The following KIF16B variants were observed in gnomAD, a reference collection of about 807,000 sequenced individuals.
KIF16B encodes kinesin-like protein KIF16B.
KIF16B carries 98 observed loss-of-function variants against 156.3 expected under a neutral mutation model. The observed-to-expected ratio is 0.63, with a 90% confidence interval of 0.53 to 0.74. The LOEUF is 0.74. Among genes scored for constraint, KIF16B ranks in the 30% least tolerant of loss-of-function variants. The pLI is 0.00. For synonymous variants in KIF16B, 564 were observed against 583.7 expected (o/e 0.97, Z 0.49); for missense variants, 1,421 against 1,606.5 (o/e 0.88, Z 1.97).
At chr20:16,488,113 G>A (rs578092510) in intron 12 of KIF16B, among the ~76,000 whole-genome samples, 4 of 152,234 alleles carry the variant, frequency 2.6e-5, no homozygotes, top group South Asian at 2.1e-4. Flanking sequence ...AAAGCCAGCC[G>A]GACATTGGAG....
At chr20:16,437,826 T>C (rs1237946567) in intron 12 of KIF16B, among the ~76,000 whole-genome samples, 4 of 152,116 alleles carry the variant, frequency 2.6e-5, no homozygotes, top group Admixed American at 2.0e-4. Context: ...TTTTTAATAA[T>C]GTACAAATGC....
intron 3 of KIF16B, among the ~76,000 whole-genome samples, chr20:16,517,822 A>C (rs2069193393): frequency 6.6e-6 from 1 of 152,222 alleles, no homozygotes; most frequent in Non-Finnish European, 1.5e-5. Context: ...ATTTTTTATG[A>C]ATTCACTAGT....
intron 24 of KIF16B, among the ~76,000 whole-genome samples, chr20:16,320,537 G>T (rs1000240554): frequency 6.6e-6 from 1 of 152,084 alleles, no homozygotes; most frequent in Admixed American, 6.6e-5. Context: ...AGATTAGCAC[G>T]CAGCACACAG....
At chr20:16,336,090 A>T in intron 23 of KIF16B, 75 bp from the exon 24 acceptor site, 1 of 873,500 alleles carries the variant, frequency 1.1e-6, no homozygotes, top group Non-Finnish European at 1.8e-6. Flanking sequence ...AGAATTTAAA[A>T]ATTAAATTTA....
intron 10 of KIF16B, among the ~76,000 whole-genome samples, chr20:16,498,043 G>C (rs1236529828): frequency 6.6e-6 from 1 of 152,146 alleles, no homozygotes; most frequent in East Asian, 1.9e-4. Flanking sequence ...CCTAAGTCTT[G>C]CTTAACCGCA....
intron 12 of KIF16B, among the ~76,000 whole-genome samples, chr20:16,447,163 G>GATTCACCTGATTCACCTGATTCACC (rs2066955754): frequency 6.6e-6 from 1 of 152,092 alleles, no homozygotes; most frequent in Non-Finnish European, 1.5e-5. Flanking sequence ...CACCTTAGAT[G>GATTCACCTGATTCACCTGATTCACC]TGGGCCACGT....
intron 1 of KIF16B, among the ~76,000 whole-genome samples, chr20:16,552,587 C>T (rs1600685054): frequency 6.6e-6 from 1 of 152,122 alleles, no homozygotes; most frequent in East Asian, 1.9e-4. Flanking sequence ...CCACAGCATC[C>T]AGTACAACAA....
chr20:16,531,624 A>G (rs2069753175), intron 1 of KIF16B, among the ~76,000 whole-genome samples: 1 of 152,210 alleles, frequency 6.6e-6, no homozygotes, highest in South Asian at 2.1e-4. Flanking sequence ...GAACACGCCA[A>G]TGTTCTCAGG....
intron 12 of KIF16B, among the ~76,000 whole-genome samples, chr20:16,485,613 A>G (rs2068092314): frequency 6.6e-6 from 1 of 152,226 alleles, no homozygotes; most frequent in South Asian, 2.1e-4. Flanking sequence ...CTGTCATTCC[A>G]TGTATGAACT....
intron 12 of KIF16B, among the ~76,000 whole-genome samples, chr20:16,487,524 A>C (rs1320147976): frequency 6.6e-6 from 1 of 152,174 alleles, no homozygotes; most frequent in Non-Finnish European, 1.5e-5. Context: ...CAGAGAAAAA[A>C]ATCTTTTATA....
chr20:16,460,856 C>A (rs996550404), intron 12 of KIF16B, among the ~76,000 whole-genome samples: 1 of 151,304 alleles, frequency 6.6e-6, no homozygotes, highest in Non-Finnish European at 1.5e-5. Flanking sequence ...GATGAAAATC[C>A]CCACACATCA....
chr20:16,285,322 T>A (rs899415341), intron 25 of KIF16B, among the ~76,000 whole-genome samples: 1 of 152,220 alleles, frequency 6.6e-6, no homozygotes, highest in Non-Finnish European at 1.5e-5. Context: ...GAAAATGCCA[T>A]ACACACAGAT....
At chr20:16,494,766 T>C (rs1400739319) in intron 11 of KIF16B, among the ~76,000 whole-genome samples, 1 of 152,236 alleles carries the variant, frequency 6.6e-6, no homozygotes, top group Admixed American at 6.5e-5. Context: ...TCACCTTGGA[T>C]GCTGTAGTTT....
intron 15 of KIF16B, among the ~76,000 whole-genome samples, chr20:16,413,053 A>C (rs1309155705): frequency 1.3e-5 from 2 of 152,108 alleles, no homozygotes; most frequent in Non-Finnish European, 2.9e-5. Context: ...ACAATTTCTA[A>C]GATTCCTTCC....
At chr20:16,504,123 T>C (rs949406602) in intron 10 of KIF16B, among the ~76,000 whole-genome samples, 1 of 152,256 alleles carries the variant, frequency 6.6e-6, no homozygotes, top group Non-Finnish European at 1.5e-5. Flanking sequence ...TTTCCATTCA[T>C]AATTGATAAC....
chr20:16,367,801 A>G, intron 22 of KIF16B: 1 of 1,612,396 alleles, frequency 6.2e-7, no homozygotes, highest in South Asian at 1.1e-5. Context: ...CTCTGGCATC[A>G]GGACACACAG....
chr20:16,284,693 C>G (rs183556401), intron 25 of KIF16B, among the ~76,000 whole-genome samples: 5 of 152,180 alleles, frequency 3.3e-5, no homozygotes, highest in Admixed American at 3.3e-4. Context: ...TACAACGGCA[C>G]CGGGGGGTCA....
chr20:16,388,847 T>C (rs757140432), intron 17 of KIF16B, among the ~76,000 whole-genome samples: 3 of 152,172 alleles, frequency 2.0e-5, no homozygotes, highest in Non-Finnish European at 4.4e-5. Flanking sequence ...AAAGCATAAA[T>C]ACCTGCATCC....
chr20:16,409,056 A>G (rs1425996702), intron 15 of KIF16B, among the ~76,000 whole-genome samples: 1 of 152,174 alleles, frequency 6.6e-6, no homozygotes, highest in Middle Eastern at 3.2e-3. Flanking sequence ...TAAATAATCA[A>G]ATAATGAAAT....
Sources: allele counts gnomAD v4.1 joint callset (sites outside exome capture counted in the v4.1 genomes callset), GRCh38; gene constraint gnomAD v4.1.1; transcripts MANE v1.5; gene names NCBI Gene and HGNC (gene_info 2026-07-23, HGNC 2026-07-21).